The following RASAL2 variants were observed in gnomAD, a reference collection of about 807,000 sequenced individuals.
The protein encoded by RASAL2 is RAS protein activator like 2.
A neutral mutation model predicts 128.9 loss-of-function variants in RASAL2; 58 were observed. The ratio of observed to expected loss-of-function variants is 0.45; its 90% confidence interval spans 0.36 to 0.56. RASAL2 has a LOEUF of 0.56. RASAL2 is among the 20% of genes least tolerant of loss of function. The probability of loss-of-function intolerance (pLI) is 0.00; values close to 1 mark genes in which losing one functional copy is unlikely to be tolerated. For synonymous variants in RASAL2, 561 were observed against 580.8 expected (o/e 0.97, Z 0.49); for missense variants, 1,360 against 1,601.6 (o/e 0.85, Z 2.57).
chr1:178,185,984 G>T (rs1180175975), intron 1 of RASAL2, among the ~76,000 whole-genome samples: 1 of 151,988 alleles, frequency 6.6e-6, no homozygotes, highest in Non-Finnish European at 1.5e-5. Flanking sequence ...TAAATGTTCG[G>T]TAGAATTTAC....
chr1:178,187,336 T>C (rs1209369088), intron 1 of RASAL2, among the ~76,000 whole-genome samples: 1 of 152,224 alleles, frequency 6.6e-6, no homozygotes, highest in Non-Finnish European at 1.5e-5. Flanking sequence ...CAAGTAAATT[T>C]TTCATGTTAG....
At chr1:178,110,389 G>A (rs1383762581) in intron 1 of RASAL2, among the ~76,000 whole-genome samples, 1 of 151,314 alleles carries the variant, frequency 6.6e-6, no homozygotes, top group African/African-American at 2.4e-5. Context: ...ATATAGTTTA[G>A]GCTTATCCTT....
chr1:178,322,469 C>T lies in RASAL2; in HGVS notation c.457+22351C>T, dbSNP rs142388195. Among the ~76,000 whole-genome samples the T allele has an allele frequency of 9.2e-5, 14 of 152,220 alleles. No individual in the cohort carries two copies. The East Asian group carries it at 1.5e-3, about 17-fold the overall frequency. ...TTCCAGACCTGAATTCCCAACTGGT[C>T]GTCTGTACTAGAATGTTCAAAACTG... is the stretch of plus-strand genomic sequence containing the variant. On this transcript the variant is annotated intron_variant, in intron 3 of 17. Coordinates refer to ENST00000367649, the MANE Select transcript of RASAL2 (RefSeq NM_170692.4).
At chr1:178,313,078 A>G (rs1442109917) in intron 3 of RASAL2, among the ~76,000 whole-genome samples, 1 of 152,208 alleles carries the variant, frequency 6.6e-6, no homozygotes, top group Non-Finnish European at 1.5e-5. Flanking sequence ...TTCAAGATCT[A>G]TGCTCCTGAC....
chr1:178,279,121 T>G (rs914519195), intron 1 of RASAL2, among the ~76,000 whole-genome samples: 12 of 152,236 alleles, frequency 7.9e-5, no homozygotes, highest in African/African-American at 2.9e-4. Context: ...AATAATAGAT[T>G]GCATTGAATA....
chr1:178,319,034 G>A (rs907150042), intron 3 of RASAL2, among the ~76,000 whole-genome samples: 9 of 152,036 alleles, frequency 5.9e-5, no homozygotes, highest in Middle Eastern at 3.2e-3. Context: ...AAAGTATTTT[G>A]TTTCTCCTTC....
intron 3 of RASAL2, among the ~76,000 whole-genome samples, chr1:178,352,303 T>C (rs1281445546): frequency 6.6e-6 from 1 of 152,244 alleles, no homozygotes; most frequent in Non-Finnish European, 1.5e-5. Flanking sequence ...GGCAAAGTTA[T>C]CTTGGGGTAA....
chr1:178,392,766 G>C (rs1672989451), intron 4 of RASAL2, among the ~76,000 whole-genome samples: 1 of 152,084 alleles, frequency 6.6e-6, no homozygotes, highest in Non-Finnish European at 1.5e-5. Context: ...ATAATATTTA[G>C]CCTTAAGGAG....
intron 1 of RASAL2, among the ~76,000 whole-genome samples, chr1:178,139,945 A>G (rs994375911): frequency 1.3e-5 from 2 of 152,096 alleles, no homozygotes; most frequent in African/African-American, 2.4e-5. Context: ...TTTTCTTTTT[A>G]TAAATACCCT....
At chr1:178,097,915 G>T (rs1016472842) in intron 1 of RASAL2, among the ~76,000 whole-genome samples, 2 of 152,244 alleles carry the variant, frequency 1.3e-5, no homozygotes, top group Admixed American at 6.5e-5. Flanking sequence ...GTATTGCCAT[G>T]ATTTGGAAAA....
At chr1:178,471,914 A>C (rs1438734826) in intron 17 of RASAL2, among the ~76,000 whole-genome samples, 1 of 152,212 alleles carries the variant, frequency 6.6e-6, no homozygotes, top group African/African-American at 2.4e-5. Context: ...TACCATGACT[A>C]AACTTTACCA....
intron 3 of RASAL2, among the ~76,000 whole-genome samples, chr1:178,360,000 G>C (rs1192597488): frequency 6.6e-6 from 1 of 152,202 alleles, no homozygotes; most frequent in Non-Finnish European, 1.5e-5. Flanking sequence ...GGGGTGAAGA[G>C]TGGGGGTTTT....
intron 6 of RASAL2, among the ~76,000 whole-genome samples, chr1:178,439,966 T>TATCC (rs554884956): frequency 0.026 from 2,743 of 104,864 alleles, 36 homozygotes; most frequent in East Asian, 0.041. Flanking sequence ...TTTTCTTATT[T>TATCC]ATCCATCCAT....
At chr1:178,333,804 C>T (rs1669457809) in intron 3 of RASAL2, among the ~76,000 whole-genome samples, 1 of 152,188 alleles carries the variant, frequency 6.6e-6, no homozygotes, top group Admixed American at 6.5e-5. Context: ...CTTCTCTACT[C>T]ACTGAAACAA....
At chr1:178,179,647 C>G (rs1662018804) in intron 1 of RASAL2, among the ~76,000 whole-genome samples, 1 of 152,094 alleles carries the variant, frequency 6.6e-6, no homozygotes, top group African/African-American at 2.4e-5. Flanking sequence ...CAAGTTTTAT[C>G]AAAATGGCAG....
chr1:178,156,468 A>G (rs1457999814), intron 1 of RASAL2, among the ~76,000 whole-genome samples: 2 of 152,172 alleles, frequency 1.3e-5, no homozygotes, highest in Non-Finnish European at 2.9e-5. Flanking sequence ...TTAATATGAC[A>G]CTGGTTGTTA....
intron 3 of RASAL2, among the ~76,000 whole-genome samples, chr1:178,321,699 T>C (rs1334538280): frequency 6.6e-6 from 1 of 151,644 alleles, no homozygotes; most frequent in Non-Finnish European, 1.5e-5. Flanking sequence ...TTTAAAAAAA[T>C]TTTTGTAGGT....
At chr1:178,231,400 A>G (rs1226874704) in intron 1 of RASAL2, among the ~76,000 whole-genome samples, 2 of 152,186 alleles carry the variant, frequency 1.3e-5, no homozygotes, top group African/African-American at 2.4e-5. Flanking sequence ...TCTTTTTACC[A>G]GTAAGGTATA....
At chr1:178,312,423 G>C (rs952850017) in intron 3 of RASAL2, among the ~76,000 whole-genome samples, 2 of 152,140 alleles carry the variant, frequency 1.3e-5, no homozygotes, top group African/African-American at 4.8e-5. Flanking sequence ...TTCCAGTCCA[G>C]AATTGTATAT....
Sources: allele counts gnomAD v4.1 joint callset (sites outside exome capture counted in the v4.1 genomes callset), GRCh38; gene constraint gnomAD v4.1.1; transcripts MANE v1.5; gene names NCBI Gene and HGNC (gene_info 2026-07-23, HGNC 2026-07-21).